Variants in GART observed in about 807,000 individuals in gnomAD.
GART encodes trifunctional purine biosynthetic protein adenosine-3.
In GART, 43 loss-of-function variants were observed where a neutral mutation model predicts 107.2. The observed-to-expected ratio is 0.40, with a 90% confidence interval of 0.31 to 0.52. The LOEUF (loss-of-function observed/expected upper bound fraction) is 0.52, where lower values mean the gene tolerates loss of function less well. Ranked by LOEUF, GART falls within the 20% of genes least tolerant of loss-of-function variation. GART has a pLI of 0.52. For missense variants in GART, 1,107 were observed against 1,206.5 expected, an observed-to-expected ratio of 0.92 and a Z score of 1.22; for synonymous variants, 434 against 427.0, an observed-to-expected ratio of 1.02 and a Z score of -0.20.
intron 4 of GART, 56 bp downstream of exon 4, chr21:33,534,523 G>T: frequency 6.3e-7 from 1 of 1,590,052 alleles, no homozygotes; most frequent in Non-Finnish European, 8.6e-7. Flanking sequence ...CCACTGACCT[G>T]TGTATTTAAA....
intron 17 of GART, 129 bp downstream of exon 17, chr21:33,511,123 G>T: frequency 1.1e-6 from 1 of 887,126 alleles, no homozygotes; most frequent in East Asian, 2.4e-5. Context: ...TGTTACATCT[G>T]TGTAAAGATA....
chr21:33,504,586 G>C, intron 20 of GART, 59 bp from the exon 21 acceptor site: 1 of 1,234,162 alleles, frequency 8.1e-7, no homozygotes, highest in East Asian at 2.3e-5. Flanking sequence ...TTCTGTTAAA[G>C]GAATACGTTT....
rs985851117 is a variant in GART at position 33,520,508 on chromosome 21, A to T, written c.1558T>A (p.Cys520Ser). ...CCTTGTGCCAGAATATCATTAACAC[A>T]CATTGCTACCAAATCTTGACCAATG... Reference protein sequence around the residue: ...DTIGQDLVAMCVNDILAQGAE... With the variant: ...DTIGQDLVAMSVNDILAQGAE... The change falls in exon 14 of 22, where the codon TGT becomes AGT. Residue 520 changes from cysteine (C) to serine (S), a missense_variant. Physicochemically the swap from Cys to Ser is moderately radical, Grantham distance 112. Coordinates refer to ENST00000381815, the MANE Select transcript of GART (RefSeq NM_000819.5). 36 of 1,613,988 alleles carry T rather than the reference A, an allele frequency of 2.2e-5. No individual in the cohort carries two copies. The highest frequency in any genetic ancestry group is 4.0e-5 in the African/African-American group (3 of 74,916).
intron 10 of GART, among the ~76,000 whole-genome samples, chr21:33,526,827 AC>A (rs888589366): frequency 1.3e-5 from 2 of 152,198 alleles, no homozygotes; most frequent in African/African-American, 4.8e-5. Flanking sequence ...TAAAGATAAC[AC>A]TTTTTCTTAA....
upstream of GART, chr21:33,542,250 G>A (rs1409289633): frequency 6.6e-6 from 1 of 152,264 alleles, no homozygotes. Context: ...CCCGCCCTGG[G>A]CGCTGCCTGA....
intron 13 of GART, 118 bp downstream of exon 13, chr21:33,520,788 A>G: frequency 1.2e-6 from 1 of 802,418 alleles, no homozygotes; most frequent in Non-Finnish European, 2.0e-6. Flanking sequence ...GCCATTTTAC[A>G]TGGTTATTTG....
intron 18 of GART, among the ~76,000 whole-genome samples, chr21:33,508,667 C>T (rs934461224): frequency 6.6e-6 from 1 of 151,966 alleles, no homozygotes; most frequent in African/African-American, 2.4e-5. Context: ...CAGACGTGTG[C>T]CACCATGCCC....
At position 33,520,893 on chromosome 21, in the gene GART, G is replaced by A. The variant is rs750607939; in HGVS notation, c.1503+13C>T. The A allele has an allele frequency of 1.5e-5, 23 of 1,568,286 alleles. No individual in the cohort carries two copies. Among genetic ancestry groups the A allele is most frequent in the Middle Eastern group, 1.7e-4 (1 of 5,954 alleles). ...TTCCTAAAAGGCCTTTATTCACAAA[G>A]GTGTCTGATTACCTTTAGTTTAGTT... On this transcript the variant is annotated intron_variant, in intron 13 of 21. Coordinates refer to ENST00000381815, the MANE Select transcript of GART (RefSeq NM_000819.5).
At chr21:33,535,573 C>A (rs2085289062) in intron 2 of GART, among the ~76,000 whole-genome samples, 1 of 152,090 alleles carries the variant, frequency 6.6e-6, no homozygotes, top group African/African-American at 2.4e-5. Flanking sequence ...TCCCAAAGAG[C>A]CATAAAGTAT....
chr21:33,528,504 G>C lies in GART; in HGVS notation c.897+15C>G. ...CATATCTTCTACCAAGTAATACTTTGATATTTTTACCCACTTGGCACTCTG... is the reference window on the plus strand; with the variant it reads ...CATATCTTCTACCAAGTAATACTTTCATATTTTTACCCACTTGGCACTCTG... On this transcript the variant is annotated intron_variant, in intron 9 of 21. Coordinates refer to ENST00000381815, the MANE Select transcript of GART (RefSeq NM_000819.5). The C allele has an allele frequency of 6.3e-7, 1 of 1,584,522 alleles. No individual in the cohort carries two copies. The highest frequency in any genetic ancestry group is 1.1e-5 in the South Asian group (1 of 87,096).
chr21:33,528,181 C>T lies in GART; in HGVS notation c.1052G>A (p.Gly351Asp). 3 of 1,613,680 alleles carry T rather than the reference C, an allele frequency of 1.9e-6. No homozygotes were observed. Among genetic ancestry groups the T allele is most frequent in the Non-Finnish European group, 2.5e-6 (3 of 1,179,836 alleles). ...CTGACACTCACCTGTTATCTCTACACCCTTGGTGTAGTCTCCAGGATAACC... is the reference window on the plus strand; with the variant it reads ...CTGACACTCACCTGTTATCTCTACATCCTTGGTGTAGTCTCCAGGATAACC... Reference protein sequence around the residue: ...SKGYPGDYTKGVEITGFPEAQ... With the variant: ...SKGYPGDYTKDVEITGFPEAQ... Residue 351 changes from glycine (G) to aspartate (D), a missense_variant, in exon 10 of 22, where the codon GGT becomes GAT. Transcript: ENST00000381815.
chr21:33,515,769 G>GT (rs2084866512), intron 16 of GART, among the ~76,000 whole-genome samples: 1 of 151,280 alleles, frequency 6.6e-6, no homozygotes, highest in South Asian at 2.1e-4. Context: ...CCTTTTACCA[G>GT]TATGTTTCTT....
At chr21:33,536,134 G>C (rs991795181) in intron 2 of GART, among the ~76,000 whole-genome samples, 8 of 152,098 alleles carry the variant, frequency 5.3e-5, no homozygotes, top group African/African-American at 1.7e-4. Flanking sequence ...CAAAAAAACA[G>C]CAAATATGAA....
In GART at chr21:33,504,261, C is replaced by T. The variant is rs1462558454; in HGVS notation, c.2896G>A (p.Gly966Ser). 1 of 1,614,172 alleles carries T rather than the reference C, an allele frequency of 6.2e-7. No individual in the cohort carries two copies. Among genetic ancestry groups the T allele is most frequent in the Admixed American group, 1.7e-5 (1 of 60,014 alleles). The change falls in exon 22 of 22, where the codon GGT becomes AGT. Residue 966 changes from glycine (G) to serine (S), a missense_variant. Physicochemically the swap from Gly to Ser is moderately conservative, Grantham distance 56. Coordinates refer to ENST00000381815, the MANE Select transcript of GART (RefSeq NM_000819.5). ...ILQEAVPVKRGDTVATLSERV... is the reference protein window; with the variant it reads ...ILQEAVPVKRSDTVATLSERV... ...TCAGAAAGAGTTGCGACAGTATCAC[C>T]CCTCTTCACGGGAACAGCTTCTTGC...
Position 33,517,084 on chromosome 21 carries a change from C to A in GART, c.2012G>T (p.Arg671Leu), listed in dbSNP as rs760825557. Residue 671 changes from arginine to leucine, a missense_variant, in exon 16 of 22, where the codon CGT (arginine) becomes CTT (leucine). Physicochemically the swap from Arg to Leu is moderately radical, Grantham distance 102. Coordinates refer to ENST00000381815, the MANE Select transcript of GART (RefSeq NM_000819.5). ...IYSHSLLPVL[R>L]SGHVKAFAHI... is the part of the protein sequence containing the mutation. ...GGCAAAGGCTTTGACATGTCCTGAA[C>A]GTAGGACAGGTAACAGTGAATGGCT... 6.2e-7 allele frequency: 1 copy of A among 1,613,228 alleles called. No individual in the cohort carries two copies. The highest frequency in any genetic ancestry group is 1.7e-5 in the Admixed American group (1 of 59,960).
Position 33,520,320 on chromosome 21 carries a change from A to T in GART, c.1702+44T>A, listed in dbSNP as rs758767216. On this transcript the variant is annotated intron_variant, in intron 14 of 21. Transcript: ENST00000381815. The stretch of plus-strand genomic sequence containing the variant: ...ACATTTTTACATAGGGCTAAAACAC[A>T]AAAAGAAGAATGACATGTTATTGAT... The T allele has an allele frequency of 2.5e-6, 4 of 1,578,742 alleles. No homozygotes were observed. In the Admixed American group the frequency reaches 6.7e-5, roughly 26 times the overall value.
At chr21:33,522,068 A>G in intron 12 of GART, 120 bp downstream of exon 12, 1 of 685,272 alleles carries the variant, frequency 1.5e-6, no homozygotes, top group East Asian at 2.7e-5. Context: ...TGGCTTAAGC[A>G]GGGCAAAACT....
intron 10 of GART, 62 bp downstream of exon 10, chr21:33,528,105 G>T (rs1050995120): frequency 6.8e-6 from 10 of 1,474,022 alleles, no homozygotes; most frequent in Non-Finnish European, 9.5e-6. Context: ...GTGAGAGGGG[G>T]GTCTGCTGTG....
chr21:33,517,219 C>T, intron 15 of GART, 78 bp from the exon 16 acceptor site: 1 of 1,559,218 alleles, frequency 6.4e-7, no homozygotes, highest in Non-Finnish European at 8.7e-7. Flanking sequence ...TGGAGAATGA[C>T]ACCAGCTCTA....
Sources: allele counts gnomAD v4.1 joint callset (sites outside exome capture counted in the v4.1 genomes callset), GRCh38; gene constraint gnomAD v4.1.1; transcripts MANE v1.5; gene names NCBI Gene and HGNC (gene_info 2026-07-23, HGNC 2026-07-21).